The following RFC1 variants were observed in gnomAD, a reference collection of about 807,000 sequenced individuals.
The protein encoded by RFC1 is A1 140 kDa subunit.
In RFC1, 37 loss-of-function variants were observed where a neutral mutation model predicts 137.4. The ratio of observed to expected loss-of-function variants is 0.27; its 90% CI spans 0.21 to 0.35. RFC1 has a LOEUF of 0.35. Ranked by LOEUF, RFC1 falls within the 10% of genes least tolerant of loss-of-function variation. RFC1 has a pLI of 1.00. For missense variants in RFC1, 1,205 were observed against 1,358.5 expected, an observed-to-expected ratio of 0.89 and a Z score of 1.78; for synonymous variants, 429 against 455.7, an observed-to-expected ratio of 0.94 and a Z score of 0.75.
chr4:39,289,831 G>A lies in RFC1; in HGVS notation c.3360+17C>T. The A allele has an allele frequency of 6.3e-7, 1 of 1,577,750 alleles. No individual in the cohort carries two copies. Among genetic ancestry groups the A allele is most frequent in the Non-Finnish European group, 8.7e-7 (1 of 1,147,002 alleles). ...CATCTATTTTGAGGTTCTCCTGTCT[G>A]TGGCTTAAAATACTACCTTGATCAT... is the stretch of plus-strand genomic sequence containing the variant. On this transcript the variant is annotated intron_variant, in intron 24 of 24. Transcript: ENST00000349703.
In RFC1 at chr4:39,306,546, A is replaced by G. The variant is rs773395329; in HGVS notation, c.1995+46T>C. ...TACACACTTTTATCTCCTAGCCATG[A>G]CCACTCGAGGTTATCTGTCCGACCA... On this transcript the variant is annotated intron_variant, in intron 14 of 24. Transcript: ENST00000349703. The G allele has an allele frequency of 2.5e-5, 26 of 1,026,378 alleles. No homozygotes were observed. In the Middle Eastern group the frequency reaches 1.7e-3, roughly 68 times the overall value. The allele number at this position is 1,026,378 out of a possible 1,614,324, so 63.6% of individuals were successfully genotyped here.
At position 39,326,600 on chromosome 4, in the gene RFC1, G is replaced by C. The variant is rs780132979; in HGVS notation, c.605C>G (p.Ala202Gly). 2 of 1,613,062 alleles carry C rather than the reference G, an allele frequency of 1.2e-6. No homozygotes were observed. The highest frequency in any genetic ancestry group is 1.7e-6 in the Non-Finnish European group (2 of 1,179,276). Residue 202 changes from alanine to glycine, a missense_variant, in exon 6 of 25, where the codon GCC (alanine) becomes GGC (glycine). Transcript: ENST00000349703. The part of the protein sequence containing the change: ...NTDESGLNDE[A>G]IAKQLQLDED... Reference sequence around the variant, plus strand: ...ATCAAGCTGTAATTGCTTGGCGATGGCTTCATCATTTAATCCAGACTCATC... The same window carrying C: ...ATCAAGCTGTAATTGCTTGGCGATGCCTTCATCATTTAATCCAGACTCATC...
intron 24 of RFC1, chr4:39,289,635 T>C: frequency 1.9e-6 from 1 of 512,900 alleles, no homozygotes; most frequent in Non-Finnish European, 3.4e-6. Context: ...GTCAATATCA[T>C]GGCCTGTTTT....
At chr4:39,299,219 TCA>T (rs1738205179) in intron 21 of RFC1, among the ~76,000 whole-genome samples, 1 of 152,182 alleles carries the variant, frequency 6.6e-6, no homozygotes, top group Non-Finnish European at 1.5e-5. Context: ...AGGGATACTT[TCA>T]GTTAATTTAA....
chr4:39,333,531 T>C (rs1312335764), intron 4 of RFC1, among the ~76,000 whole-genome samples: 1 of 151,478 alleles, frequency 6.6e-6, no homozygotes, highest in Non-Finnish European at 1.5e-5. Context: ...AATGGACTCA[T>C]GAAGCCATCA....
In RFC1 at chr4:39,291,582, G is replaced by A. The variant is rs919425738; in HGVS notation, c.3168+57C>T. On this transcript the variant is annotated intron_variant, in intron 23 of 24. Transcript: ENST00000349703. ...GCATCTAAAACACCTCCGAAGTATTGTCAGTACAAACCTGGTAATAGAAAG... is the reference window on the plus strand; with the variant it reads ...GCATCTAAAACACCTCCGAAGTATTATCAGTACAAACCTGGTAATAGAAAG... 22 of 1,220,626 alleles carry A rather than the reference G, an allele frequency of 1.8e-5. No homozygotes were observed. The African/African-American group carries it at 3.3e-4, about 18-fold the overall frequency. 75.6% of individuals were successfully genotyped at this position (1,220,626 alleles called of 1,614,324 possible). A position where few individuals can be genotyped will look rare whatever the true frequency, so the allele number is the denominator to read the frequency against.
At chr4:39,345,544 G>C (rs542063678) in intron 2 of RFC1, 68 bp from the exon 3 acceptor site, 12 of 1,225,452 alleles carry the variant, frequency 9.8e-6, no homozygotes, top group Non-Finnish European at 1.4e-5. Flanking sequence ...TTTTTGAGAC[G>C]GAGTCTCACT....
chr4:39,356,265 G>C (rs971615258), intron 1 of RFC1, among the ~76,000 whole-genome samples: 2 of 152,032 alleles, frequency 1.3e-5, no homozygotes, highest in Admixed American at 6.6e-5. Flanking sequence ...CGAGCTTGGT[G>C]GTACGTGCCT....
intron 21 of RFC1, chr4:39,297,579 T>C (rs1738084730): frequency 6.6e-6 from 1 of 152,270 alleles, no homozygotes; most frequent in Non-Finnish European, 1.5e-5. Context: ...TGCGGCGTTA[T>C]TTCTGAGGGC....
At chr4:39,302,928 A>G (rs1034891726) in intron 16 of RFC1, 54 bp from the exon 17 acceptor site, 12 of 1,538,558 alleles carry the variant, frequency 7.8e-6, no homozygotes, top group Admixed American at 7.2e-5. Context: ...GACAAATACC[A>G]CACAAGCTAT....
intron 3 of RFC1, among the ~76,000 whole-genome samples, chr4:39,343,704 T>C (rs1219117480): frequency 1.3e-5 from 2 of 152,212 alleles, no homozygotes; most frequent in Non-Finnish European, 1.5e-5. Flanking sequence ...CTTTACAATA[T>C]AGAGCAATAA....
Position 39,326,562 on chromosome 4 carries a change from C to G in RFC1, c.642+1G>C. The G allele has an allele frequency of 6.2e-7, 1 of 1,611,506 alleles. No homozygotes were observed. The highest frequency in any genetic ancestry group is 1.7e-5 in the Admixed American group (1 of 59,986). ...AATGATTCTAAGCAAAATGCCAATA[C>G]CTCCGCATCTTCATCAAGCTGTAAT... On this transcript the variant is annotated splice_donor_variant, in intron 6 of 24. Coordinates refer to ENST00000349703, the MANE Select transcript of RFC1 (RefSeq NM_002913.5). LOFTEE classifies it high-confidence loss of function.
rs1739267073 is a variant in RFC1, at chr4:39,316,943, T to C, written c.1175A>G (p.Lys392Arg). The change falls in exon 10 of 25, where the codon AAG (lysine) becomes AGG (arginine). Residue 392 changes from lysine (K) to arginine (R), a missense_variant. Around this residue, in one of 3 missense-constraint regions of RFC1, gnomAD observed 962 missense variants for 1,035.3 expected, o/e 0.93. Coordinates refer to ENST00000349703, the MANE Select transcript of RFC1 (RefSeq NM_002913.5). ...YRSYLNREGP[K>R]ALGSKEIPKG... ...TGGTATTTCTTTGGAGCCCAGAGCCTTGGGACCTTCTCGATTTAAGTAGCT... is the reference window on the plus strand; with the variant it reads ...TGGTATTTCTTTGGAGCCCAGAGCCCTGGGACCTTCTCGATTTAAGTAGCT... 3 of 1,613,932 alleles carry C rather than the reference T, an allele frequency of 1.9e-6. No individual in the cohort carries two copies. In the East Asian group the frequency reaches 6.7e-5, roughly 36 times the overall value.
intron 1 of RFC1, 39 bp downstream of exon 1, chr4:39,366,200 C>G (rs370678287): frequency 2.6e-6 from 4 of 1,550,914 alleles, no homozygotes; most frequent in Non-Finnish European, 3.5e-6. Context: ...GCAAAGCCCC[C>G]CCAGACCCCG....
chr4:39,350,855 TTAA>T (rs1741147233), intron 2 of RFC1, among the ~76,000 whole-genome samples: 2 of 152,212 alleles, frequency 1.3e-5, no homozygotes, highest in Non-Finnish European at 2.9e-5. Context: ...AATTTTTGCC[TTAA>T]TTTTTTTAAA....
chr4:39,329,966 G>T lies in RFC1; in HGVS notation c.332-2210C>A, dbSNP rs1365968644. Among the ~76,000 whole-genome samples the T allele has an allele frequency of 2.6e-5, 4 of 151,896 alleles. No homozygotes were observed. The East Asian group carries it at 7.8e-4, about 29-fold the overall frequency. Reference sequence around the variant, plus strand: ...AGGAGAATCACTTGAACTGGGAGGCGGAGGTCACAGTGAGCTGAGATTGCA... The same window carrying T: ...AGGAGAATCACTTGAACTGGGAGGCTGAGGTCACAGTGAGCTGAGATTGCA... On this transcript the variant is annotated intron_variant, in intron 4 of 24. Coordinates refer to ENST00000349703, the MANE Select transcript of RFC1 (RefSeq NM_002913.5).
intron 11 of RFC1, among the ~76,000 whole-genome samples, chr4:39,312,099 G>A (rs890297133): frequency 2.0e-5 from 3 of 152,152 alleles, no homozygotes; most frequent in Non-Finnish European, 4.4e-5. Flanking sequence ...GAAAACTCTC[G>A]TCAGGCCAGT....
intron 7 of RFC1, chr4:39,322,461 C>G (rs1443055185): frequency 1.3e-5 from 2 of 152,176 alleles, no homozygotes; most frequent in Non-Finnish European, 2.9e-5. Flanking sequence ...ATGAGACTGT[C>G]ATAATATAGA....
intron 10 of RFC1, 103 bp from the exon 11 acceptor site, chr4:39,313,034 C>T (rs987363729): frequency 1.1e-6 from 1 of 944,276 alleles, no homozygotes; most frequent in African/African-American, 1.7e-5. Context: ...CATTTCACAT[C>T]ATAAATAACC....
Sources: gnomAD v4.1 joint callset for allele counts (sites outside exome capture counted in the v4.1 genomes callset) on GRCh38, gnomAD v4.1.1 for gene constraint, gnomAD v4.1.1 regional missense constraint, MANE v1.5 for transcripts, NCBI Gene and HGNC (gene_info 2026-07-23, HGNC 2026-07-21) for gene names.